The following CCDC175 variants were observed in gnomAD, a reference collection of about 807,000 sequenced individuals.
The protein encoded by CCDC175 is coiled-coil domain-containing protein 175.
CCDC175 carries 100 observed loss-of-function variants against 114.6 expected under a neutral mutation model. The ratio of observed to expected loss-of-function variants is 0.87; its 90% confidence interval spans 0.74 to 1.03. The LOEUF is 1.03. CCDC175 is among the 50% of genes least tolerant of loss of function. The pLI is 0.00. For synonymous variants in CCDC175, 306 were observed against 308.7 expected (o/e 0.99, Z 0.09); for missense variants, 880 against 917.8 (o/e 0.96, Z 0.53).
At chr14:59,514,460 G>C (rs1449148964) in intron 17 of CCDC175, among the ~76,000 whole-genome samples, 7 of 152,166 alleles carry the variant, frequency 4.6e-5, no homozygotes, top group East Asian at 1.9e-4. Context: ...CCAATGCGGA[G>C]AAGTCCTTAA....
chr14:59,549,051 A>C (rs1315013121), intron 8 of CCDC175, among the ~76,000 whole-genome samples: 1 of 152,236 alleles, frequency 6.6e-6, no homozygotes, highest in Non-Finnish European at 1.5e-5. Context: ...CCCCATGACC[A>C]CTAAAATTTC....
chr14:59,514,595 G>A (rs1354497164), intron 17 of CCDC175, among the ~76,000 whole-genome samples: 1 of 152,160 alleles, frequency 6.6e-6, no homozygotes, highest in Non-Finnish European at 1.5e-5. Flanking sequence ...ATGAAATGAA[G>A]CGAGAAGAGA....
chr14:59,553,345 T>C (rs1307945819), intron 7 of CCDC175, among the ~76,000 whole-genome samples: 2 of 152,182 alleles, frequency 1.3e-5, no homozygotes, highest in African/African-American at 4.8e-5. Context: ...CAACCCAGAA[T>C]TTCATATCCA....
intron 7 of CCDC175, among the ~76,000 whole-genome samples, chr14:59,558,644 G>A (rs936015300): frequency 6.6e-6 from 1 of 152,120 alleles, no homozygotes; most frequent in Non-Finnish European, 1.5e-5. Context: ...TGTGGGAAGA[G>A]CTGTTTCAGG....
chr14:59,506,275 A>ATTTTTTTTTTT (rs35322741), intron 19 of CCDC175, among the ~76,000 whole-genome samples: 3 of 136,032 alleles, frequency 2.2e-5, no homozygotes, highest in African/African-American at 2.7e-5. Context: ...GAGCACAGGG[A>ATTTTTTTTTTT]TTTTTTTTTT....
At chr14:59,525,547 C>G in intron 15 of CCDC175, 113 bp from the exon 16 acceptor site, 1 of 693,580 alleles carries the variant, frequency 1.4e-6, no homozygotes, top group Non-Finnish European at 2.3e-6. Context: ...TCTGAAGTAT[C>G]CAGCAGAGGA....
intron 8 of CCDC175, among the ~76,000 whole-genome samples, chr14:59,550,006 G>T (rs374321137): frequency 3.3e-5 from 5 of 152,052 alleles, no homozygotes; most frequent in African/African-American, 1.2e-4. Flanking sequence ...TGTCTCCCAG[G>T]TTCAAGCAAT....
At chr14:59,571,855 G>A (rs1230060901) in intron 3 of CCDC175, among the ~76,000 whole-genome samples, 1 of 152,164 alleles carries the variant, frequency 6.6e-6, no homozygotes, top group Non-Finnish European at 1.5e-5. Flanking sequence ...CTTGGATACA[G>A]GTGGAGTATC....
intron 7 of CCDC175, among the ~76,000 whole-genome samples, chr14:59,556,466 T>C (rs955238579): frequency 6.6e-6 from 1 of 152,188 alleles, no homozygotes; most frequent in African/African-American, 2.4e-5. Flanking sequence ...TAATTCAAGA[T>C]GGATTAAAGA....
intron 10 of CCDC175, among the ~76,000 whole-genome samples, chr14:59,543,117 C>G (rs980572429): frequency 6.6e-6 from 1 of 152,184 alleles, no homozygotes; most frequent in Non-Finnish European, 1.5e-5. Context: ...TGCACCCCAA[C>G]TGGTCCATTC....
chr14:59,576,781 C>A lies in CCDC175; in HGVS notation c.-6G>T, dbSNP rs1250668514. On this transcript the variant is annotated 5_prime_UTR_variant, in exon 1 of 20. Transcript: ENST00000537690. ...GTCCAGGGGCTCAGGGCCATTTTGC[C>A]GCTCTACTTGAGCGCCTCCTAAGCC... The A allele has an allele frequency of 7.0e-7, 1 of 1,433,618 alleles. No individual in the cohort carries two copies. The highest frequency in any genetic ancestry group is 9.0e-7 in the Non-Finnish European group (1 of 1,105,146). The allele number at this position is 1,433,618 out of a possible 1,614,324, so 88.8% of individuals were successfully genotyped here. A position where few individuals can be genotyped will look rare whatever the true frequency, so the allele number is the denominator to read the frequency against.
chr14:59,561,212 T>C lies in CCDC175; in HGVS notation c.860A>G (p.Asn287Ser), dbSNP rs910434046. ...TTCGTGTAGTCGTGCTATCTCTAAA[T>C]TGTGATCACTAAGAACCTATTAAAA... ...TVSAAVLSDH[N>S]LEIARLHESI... is the part of the protein sequence containing the mutation. Residue 287 changes from asparagine (N) to serine (S), a missense_variant, in exon 7 of 20, where the codon AAT (asparagine) becomes AGT (serine). By Grantham distance (46) the Asn-to-Ser change is conservative. Coordinates refer to ENST00000537690, the MANE Select transcript of CCDC175 (RefSeq NM_001164399.2). 6 of 1,530,528 alleles carry C rather than the reference T, an allele frequency of 3.9e-6. No homozygotes were observed. The highest frequency in any genetic ancestry group is 4.4e-6 in the Non-Finnish European group (5 of 1,141,408). The allele number at this position is 1,530,528 out of a possible 1,614,324, so 94.8% of individuals were successfully genotyped here. A position where few individuals can be genotyped will look rare whatever the true frequency, so the allele number is the denominator to read the frequency against.
At chr14:59,537,527 C>T (rs1038950961) in intron 13 of CCDC175, among the ~76,000 whole-genome samples, 1 of 152,150 alleles carries the variant, frequency 6.6e-6, no homozygotes, top group Admixed American at 6.5e-5. Flanking sequence ...ATATCATCGC[C>T]TTGGGAAGGT....
intron 11 of CCDC175, among the ~76,000 whole-genome samples, chr14:59,540,212 G>C (rs567867789): frequency 1.3e-5 from 2 of 152,068 alleles, no homozygotes; most frequent in Non-Finnish European, 2.9e-5. Context: ...ACTTTATAAG[G>C]TAGATACTGT....
At chr14:59,548,816 T>G (rs1194034371) in intron 8 of CCDC175, among the ~76,000 whole-genome samples, 1 of 151,944 alleles carries the variant, frequency 6.6e-6, no homozygotes, top group Admixed American at 6.6e-5. Flanking sequence ...AAAGCAAAAA[T>G]GGAAAGCATT....
chr14:59,510,656 C>T lies in CCDC175; in HGVS notation c.2295G>A (p.Met765Ile). Reference sequence around the variant, plus strand: ...TAAGCTGTTGCTTACTAAGAAGGTCCATTGGTGATTCCTGTTCCACAAGCA... The same window carrying T: ...TAAGCTGTTGCTTACTAAGAAGGTCTATTGGTGATTCCTGTTCCACAAGCA... The part of the protein sequence containing the change: ...LRLLVEQESP[M>I]DLLKKKKHIR... Residue 765 changes from methionine (M) to isoleucine (I), a missense_variant, in exon 19 of 20, where the codon ATG becomes ATA. Met to Ile is a conservative substitution (Grantham distance 10, BLOSUM62 1). Coordinates refer to ENST00000537690, the MANE Select transcript of CCDC175 (RefSeq NM_001164399.2). 1 of 1,537,106 alleles carries T rather than the reference C, an allele frequency of 6.5e-7. No individual in the cohort carries two copies. Among genetic ancestry groups the T allele is most frequent in the East Asian group, 2.4e-5 (1 of 40,888 alleles).
At chr14:59,536,001 C>A (rs1235872791) in intron 13 of CCDC175, among the ~76,000 whole-genome samples, 1 of 152,208 alleles carries the variant, frequency 6.6e-6, no homozygotes, top group Non-Finnish European at 1.5e-5. Context: ...AACAGGCAAT[C>A]CTTGCTCCAG....
intron 9 of CCDC175, among the ~76,000 whole-genome samples, 181 bp downstream of exon 9, chr14:59,544,982 G>A (rs1765640604): frequency 6.6e-6 from 1 of 152,150 alleles, no homozygotes; most frequent in Non-Finnish European, 1.5e-5. Flanking sequence ...CCAGTCTATG[G>A]TATTTTGTTA....
At chr14:59,521,282 CA>C (rs1419375544) in intron 17 of CCDC175, among the ~76,000 whole-genome samples, 1 of 152,138 alleles carries the variant, frequency 6.6e-6, no homozygotes, top group Non-Finnish European at 1.5e-5. Flanking sequence ...CCAAGTTCTT[CA>C]GCTTTTGGAC....
Sources: gnomAD v4.1 joint callset for allele counts (sites outside exome capture counted in the v4.1 genomes callset) on GRCh38, gnomAD v4.1.1 for gene constraint, MANE v1.5 for transcripts, NCBI Gene and HGNC (gene_info 2026-07-23, HGNC 2026-07-21) for gene names.